Variants in MACROD2 observed in about 807,000 individuals in gnomAD.
MACROD2 encodes ADP-ribose glycohydrolase MACROD2.
Under a neutral mutation model 70.4 loss-of-function variants are expected in MACROD2, and 36 were observed. The observed-to-expected ratio is 0.51, with a 90% CI of 0.39 to 0.68. The LOEUF is 0.68. Among genes scored for constraint, MACROD2 ranks in the 30% least tolerant of loss-of-function variants. The probability of loss-of-function intolerance (pLI) is 0.00; values close to 1 mark genes in which losing one functional copy is unlikely to be tolerated. For synonymous variants in MACROD2, 172 were observed against 178.8 expected (o/e 0.96, Z 0.30); for missense variants, 496 against 538.4 (o/e 0.92, Z 0.78).
At chr20:15,521,768 C>T (rs1340603750) in intron 8 of MACROD2, among the ~76,000 whole-genome samples, 1 of 152,142 alleles carries the variant, frequency 6.6e-6, no homozygotes, top group Non-Finnish European at 1.5e-5. Flanking sequence ...TTTAAAGAAG[C>T]TAACACAGCT....
intron 8 of MACROD2, among the ~76,000 whole-genome samples, chr20:15,843,295 A>G (rs1461749404): frequency 6.6e-6 from 1 of 152,116 alleles, no homozygotes; most frequent in Non-Finnish European, 1.5e-5. Context: ...CTGGAAGTTG[A>G]CTCTACTTTG....
chr20:14,720,672 G>A (rs1290244579), intron 5 of MACROD2, among the ~76,000 whole-genome samples: 1 of 147,420 alleles, frequency 6.8e-6, no homozygotes, highest in African/African-American at 2.5e-5. Flanking sequence ...TCCTGCCTCA[G>A]CTTCCTCTGT....
intron 5 of MACROD2, among the ~76,000 whole-genome samples, chr20:15,045,109 A>G (rs568737346): frequency 6.6e-6 from 1 of 152,306 alleles, no homozygotes; most frequent in Admixed American, 6.5e-5. Flanking sequence ...AGAGAACCTA[A>G]CAGTACTAAA....
At chr20:14,730,979 GCACA>G (rs11474396) in intron 5 of MACROD2, among the ~76,000 whole-genome samples, 4,460 of 138,876 alleles carry the variant, frequency 0.032, 166 homozygotes, top group African/African-American at 0.09. Context: ...AACAGGTTTA[GCACA>G]CACACACACA....
At chr20:15,080,038 T>A (rs1216218908) in intron 5 of MACROD2, among the ~76,000 whole-genome samples, 1 of 151,296 alleles carries the variant, frequency 6.6e-6, no homozygotes, top group Non-Finnish European at 1.5e-5. Context: ...CTCACTCACT[T>A]GATGTTTGCT....
chr20:14,172,658 G>A (rs2081232135), intron 3 of MACROD2, among the ~76,000 whole-genome samples: 1 of 152,248 alleles, frequency 6.6e-6, no homozygotes. Flanking sequence ...TTCAACATTA[G>A]TATTGAGATG....
chr20:14,769,390 A>T (rs2072135779), intron 5 of MACROD2, among the ~76,000 whole-genome samples: 2 of 152,108 alleles, frequency 1.3e-5, no homozygotes, highest in South Asian at 4.1e-4. Flanking sequence ...ACTTTTGGCA[A>T]AGCAGTTCCT....
chr20:14,084,879 T>C (rs749309257), intron 2 of MACROD2, among the ~76,000 whole-genome samples: 3 of 151,948 alleles, frequency 2.0e-5, no homozygotes, highest in Non-Finnish European at 4.4e-5. Context: ...TCCCAGCACT[T>C]TGGGAGGCCG....
At chr20:15,005,289 T>C (rs1192835605) in intron 5 of MACROD2, among the ~76,000 whole-genome samples, 1 of 152,198 alleles carries the variant, frequency 6.6e-6, no homozygotes, top group Non-Finnish European at 1.5e-5. Context: ...AACACATTTT[T>C]CATCTCTGTA....
intron 8 of MACROD2, among the ~76,000 whole-genome samples, chr20:15,517,984 A>T (rs1477515536): frequency 2.6e-5 from 4 of 152,234 alleles, no homozygotes; most frequent in African/African-American, 9.6e-5. Context: ...GCAGGCACAG[A>T]CCATCAAAAG....
chr20:14,792,061 A>G lies in MACROD2; in HGVS notation c.418+107102A>G, dbSNP rs2072457067. On this transcript the variant is annotated intron_variant, in intron 5 of 17. Coordinates refer to ENST00000684519, the MANE Select transcript of MACROD2 (RefSeq NM_001351661.2). ...GTTTAGAATTAATGTATTTATCTCA[A>G]AACACTTGAGGGTTTTTTTAATGAA... is the stretch of plus-strand genomic sequence containing the variant. Among the ~76,000 whole-genome samples, 3 of 152,110 alleles carry G rather than the reference A, an allele frequency of 2.0e-5. No homozygotes were observed. In the South Asian group the frequency reaches 6.2e-4, roughly 32 times the overall value.
intron 3 of MACROD2, among the ~76,000 whole-genome samples, chr20:14,213,630 ATT>A (rs1197881757): frequency 2.0e-5 from 3 of 152,024 alleles, no homozygotes; most frequent in African/African-American, 7.2e-5. Context: ...ATAAGAAATA[ATT>A]GCCTTTTTGT....
intron 6 of MACROD2, among the ~76,000 whole-genome samples, chr20:15,259,232 G>A (rs1169672991): frequency 6.6e-6 from 1 of 151,930 alleles, no homozygotes; most frequent in Non-Finnish European, 1.5e-5. Flanking sequence ...ATGAGACAGA[G>A]GAAAAACAGT....
At chr20:15,899,310 A>G (rs962911028) in intron 10 of MACROD2, among the ~76,000 whole-genome samples, 3 of 151,894 alleles carry the variant, frequency 2.0e-5, no homozygotes, top group African/African-American at 4.8e-5. Context: ...GTGTGTACAT[A>G]TATACATATA....
chr20:15,162,479 G>A (rs2076355658), intron 5 of MACROD2, among the ~76,000 whole-genome samples: 1 of 152,054 alleles, frequency 6.6e-6, no homozygotes, highest in Admixed American at 6.6e-5. Flanking sequence ...ATAAAACCTG[G>A]CTATGTCCAT....
chr20:15,455,172 C>A (rs982691984), intron 7 of MACROD2, among the ~76,000 whole-genome samples: 2 of 152,150 alleles, frequency 1.3e-5, no homozygotes, highest in Admixed American at 6.6e-5. Flanking sequence ...AGACACTGGG[C>A]GTGCAGGCAG....
intron 5 of MACROD2, among the ~76,000 whole-genome samples, chr20:14,712,049 A>G (rs6110403): frequency 0.32 from 48,834 of 151,962 alleles, 7,949 homozygotes; most frequent in East Asian, 0.36. Flanking sequence ...GAAAATCTCT[A>G]ATAGATTCAG....
At chr20:15,412,070 C>A (rs1476856089) in intron 6 of MACROD2, among the ~76,000 whole-genome samples, 1 of 152,116 alleles carries the variant, frequency 6.6e-6, no homozygotes, top group Non-Finnish European at 1.5e-5. Flanking sequence ...TAGTGGGTGA[C>A]AAAGAATGTC....
intron 5 of MACROD2, among the ~76,000 whole-genome samples, chr20:15,120,898 A>G (rs2076025248): frequency 3.3e-5 from 5 of 152,106 alleles, no homozygotes; most frequent in Admixed American, 2.0e-4. Context: ...ACCCTCTCTT[A>G]GGTGGTCTTT....
Sources: gnomAD v4.1 joint callset for allele counts (sites outside exome capture counted in the v4.1 genomes callset) on GRCh38, gnomAD v4.1.1 for gene constraint, MANE v1.5 for transcripts, NCBI Gene and HGNC (gene_info 2026-07-23, HGNC 2026-07-21) for gene names.